Variants in CCDC91 observed in about 807,000 individuals in gnomAD.
CCDC91 encodes the protein coiled-coil domain containing 91.
In CCDC91, 48 loss-of-function variants were observed where a neutral mutation model predicts 63.2. The observed-to-expected ratio is 0.76, with a 90% CI of 0.60 to 0.97. The LOEUF (loss-of-function observed/expected upper bound fraction) is 0.97. CCDC91 is among the 50% of genes least tolerant of loss of function. CCDC91 has a pLI of 0.00. For missense variants in CCDC91, 500 were observed against 494.6 expected (o/e 1.01, Z -0.10); for synonymous variants, 167 against 165.8 (o/e 1.01, Z -0.06).
chr12:28,515,564 C>CT (rs1305534912), intron 12 of CCDC91, among the ~76,000 whole-genome samples: 1 of 151,798 alleles, frequency 6.6e-6, no homozygotes, highest in East Asian at 1.9e-4. Context: ...AGAAAACATT[C>CT]TTGTTTAGAA....
intron 8 of CCDC91, among the ~76,000 whole-genome samples, chr12:28,420,242 T>C (rs1297085590): frequency 6.6e-6 from 1 of 152,128 alleles, no homozygotes; most frequent in Non-Finnish European, 1.5e-5. Context: ...CAATGCATTC[T>C]GTTATGTAGA....
At chr12:28,530,836 T>C (rs948463430) in intron 12 of CCDC91, among the ~76,000 whole-genome samples, 1 of 152,042 alleles carries the variant, frequency 6.6e-6, no homozygotes, top group Non-Finnish European at 1.5e-5. Flanking sequence ...AAATACCCCT[T>C]GAGTGCTGTG....
At chr12:28,408,160 G>A (rs1348539144) in intron 8 of CCDC91, among the ~76,000 whole-genome samples, 1 of 151,798 alleles carries the variant, frequency 6.6e-6, no homozygotes, top group Non-Finnish European at 1.5e-5. Flanking sequence ...GTAGGCCCTG[G>A]TGTGTGACGT....
chr12:28,441,012 C>G (rs147718717), intron 8 of CCDC91, among the ~76,000 whole-genome samples: 1 of 114,652 alleles, frequency 8.7e-6, no homozygotes, highest in Non-Finnish European at 1.6e-5. Flanking sequence ...GAGCCAAGAT[C>G]GTGCCACTGC....
At chr12:28,437,298 A>G (rs1324564547) in intron 8 of CCDC91, among the ~76,000 whole-genome samples, 5 of 151,894 alleles carry the variant, frequency 3.3e-5, no homozygotes, top group Non-Finnish European at 5.9e-5. Flanking sequence ...CATAGTTTTT[A>G]TTTAATTGTA....
chr12:28,267,924 AATTATATATAATTATATATAATT>A (rs1397426104), intron 3 of CCDC91, among the ~76,000 whole-genome samples: 22 of 80,956 alleles, frequency 2.7e-4, no homozygotes, highest in African/African-American at 5.6e-4. Context: ...TAATTATTAT[AATTATATATAATTATATATAATT>A]ATTATATATA....
chr12:28,194,494 AT>A (rs1179343155), intron 1 of CCDC91, among the ~76,000 whole-genome samples: 1 of 152,090 alleles, frequency 6.6e-6, no homozygotes, highest in Non-Finnish European at 1.5e-5. Flanking sequence ...TGGTGGGTCC[AT>A]GGTCTTGCCG....
intron 1 of CCDC91, among the ~76,000 whole-genome samples, chr12:28,224,576 A>G (rs1457772118): frequency 6.6e-6 from 1 of 151,950 alleles, no homozygotes; most frequent in Non-Finnish European, 1.5e-5. Flanking sequence ...CTTGTCTTTA[A>G]TTGAATCTCA....
intron 12 of CCDC91, among the ~76,000 whole-genome samples, chr12:28,537,932 T>C (rs972643060): frequency 4.6e-5 from 7 of 152,128 alleles, no homozygotes; most frequent in Admixed American, 2.0e-4. Context: ...TGTCCATAAT[T>C]CCTAAAATTA....
At chr12:28,214,094 G>A (rs1943410443) in intron 1 of CCDC91, among the ~76,000 whole-genome samples, 1 of 152,030 alleles carries the variant, frequency 6.6e-6, no homozygotes, top group South Asian at 2.1e-4. Context: ...CTTATGCTTT[G>A]ATGACCTAGA....
In CCDC91 at chr12:28,306,706, T is replaced by C. The variant is rs187986147; in HGVS notation, c.268-36T>C. 825 of 1,443,794 alleles carry C rather than the reference T, an allele frequency of 5.7e-4. 3 individuals carry two copies. The highest frequency in any genetic ancestry group is 4.5e-3 in the African/African-American group (312 of 70,048). The allele number at this position is 1,443,794 out of a possible 1,614,324, so 89.4% of individuals were successfully genotyped here. On this transcript the variant is annotated intron_variant, in intron 4 of 12. Coordinates refer to ENST00000536442, the MANE Select transcript of CCDC91 (RefSeq NM_018318.5). ...TTCATTATTGGTATAGTGTAAACTT[T>C]CCTCTCTTGTGTATTTTTTTTTTTA...
chr12:28,543,010 G>A (rs1222906463), intron 12 of CCDC91, among the ~76,000 whole-genome samples: 2 of 152,016 alleles, frequency 1.3e-5, no homozygotes, highest in African/African-American at 4.8e-5. Context: ...AAATCAAGAT[G>A]TCATCAGGGC....
At chr12:28,347,641 C>T (rs1416662679) in intron 6 of CCDC91, among the ~76,000 whole-genome samples, 1 of 152,076 alleles carries the variant, frequency 6.6e-6, no homozygotes, top group African/African-American at 2.4e-5. Context: ...CCCATCAGGC[C>T]CTTTAGAAAT....
At chr12:28,495,233 A>C (rs1278769473) in intron 12 of CCDC91, among the ~76,000 whole-genome samples, 1 of 151,722 alleles carries the variant, frequency 6.6e-6, no homozygotes, top group Non-Finnish European at 1.5e-5. Flanking sequence ...TCACTCAAAA[A>C]ACCGTGGGCA....
At chr12:28,499,772 C>G (rs955313101) in intron 12 of CCDC91, among the ~76,000 whole-genome samples, 2 of 152,066 alleles carry the variant, frequency 1.3e-5, no homozygotes, top group Non-Finnish European at 2.9e-5. Context: ...GGTTCCAAGT[C>G]TTTGCTATTG....
chr12:28,198,755 T>A (rs1486584864), intron 1 of CCDC91, among the ~76,000 whole-genome samples: 1 of 152,200 alleles, frequency 6.6e-6, no homozygotes, highest in East Asian at 1.9e-4. Context: ...CATTTACAAT[T>A]AATGTATTTA....
intron 8 of CCDC91, among the ~76,000 whole-genome samples, chr12:28,418,878 A>G (rs1947837810): frequency 6.6e-6 from 1 of 152,164 alleles, no homozygotes; most frequent in Non-Finnish European, 1.5e-5. Context: ...AATATCTACC[A>G]TCAAAATAAT....
chr12:28,386,319 T>C (rs1291965707), intron 7 of CCDC91, among the ~76,000 whole-genome samples: 1 of 152,210 alleles, frequency 6.6e-6, no homozygotes, highest in African/African-American at 2.4e-5. Flanking sequence ...CATGAAGTTA[T>C]AGTTCCCGTA....
intron 1 of CCDC91, among the ~76,000 whole-genome samples, chr12:28,234,872 T>C (rs1055036014): frequency 6.6e-6 from 1 of 152,144 alleles, no homozygotes; most frequent in Admixed American, 6.6e-5. Flanking sequence ...CAGTTTTTGT[T>C]TGTTATTTAT....
Sources: gnomAD v4.1 joint callset for allele counts (sites outside exome capture counted in the v4.1 genomes callset) on GRCh38, gnomAD v4.1.1 for gene constraint, MANE v1.5 for transcripts, NCBI Gene and HGNC (gene_info 2026-07-23, HGNC 2026-07-21) for gene names.